TEK: variants seen among roughly 807,000 people sequenced by gnomAD.
TEK encodes the protein TEK receptor tyrosine kinase.
Under a neutral mutation model 131.8 loss-of-function variants are expected in TEK, and 43 were observed. The observed-to-expected ratio is 0.33, with a 90% CI of 0.26 to 0.42. The LOEUF (loss-of-function observed/expected upper bound fraction) is 0.42. Among genes scored for constraint, TEK ranks in the 10% least tolerant of loss-of-function variants. TEK has a pLI of 1.00. For synonymous variants in TEK, 580 were observed against 491.6 expected (o/e 1.18, Z -2.38); for missense variants, 1,162 against 1,384.4 (o/e 0.84, Z 2.55).
At chr9:27,199,646 T>G (rs985871640) in intron 12 of TEK, among the ~76,000 whole-genome samples, 1 of 152,264 alleles carries the variant, frequency 6.6e-6, no homozygotes, top group Non-Finnish European at 1.5e-5. Flanking sequence ...TTAATTGTCC[T>G]CTTTTTTGAT....
At chr9:27,137,115 A>C (rs1241524243) in intron 1 of TEK, among the ~76,000 whole-genome samples, 1 of 151,992 alleles carries the variant, frequency 6.6e-6, no homozygotes, top group Admixed American at 6.6e-5. Context: ...ACGGGGTTTC[A>C]CCATGTTCCC....
rs1156783354 is a variant in TEK, at chr9:27,192,640, AG to A, written c.1624+19del. 7.0e-7 allele frequency: 1 copy of A among 1,430,308 alleles called. No homozygotes were observed. Among genetic ancestry groups the A allele is most frequent in the African/African-American group, 1.5e-5 (1 of 65,856 alleles). 88.6% of individuals were successfully genotyped at this position (1,430,308 alleles called of 1,614,324 possible). A position where few individuals can be genotyped will look rare whatever the true frequency, so the allele number is the denominator to read the frequency against. ...CTTCTATCGGTCAGTGGAAGCCAAC[AG>A]GCATTTATTCATGAGCTGGGTGGGA... is the stretch of plus-strand genomic sequence containing the variant. On this transcript the variant is annotated intron_variant, in intron 11 of 22. Transcript: ENST00000380036.
chr9:27,159,917 G>A (rs1015182268), intron 2 of TEK, among the ~76,000 whole-genome samples: 6 of 151,186 alleles, frequency 4.0e-5, no homozygotes, highest in Admixed American at 6.6e-5. Context: ...TAAAATGAAG[G>A]AGTCTTTTCC....
Position 27,157,697 on chromosome 9 carries a change from A to T in TEK, c.53-134A>T, listed in dbSNP as rs1363090282. 35 of 1,064,692 alleles carry T rather than the reference A, an allele frequency of 3.3e-5. No individual in the cohort carries two copies. In the African/African-American group the frequency reaches 5.3e-4, roughly 16 times the overall value. The allele number at this position is 1,064,692 out of a possible 1,614,324, so 66.0% of individuals were successfully genotyped here. On this transcript the variant is annotated intron_variant, in intron 1 of 22. Transcript: ENST00000380036. ...TTTTGGATTTTGTCCAGTGGAAGAT[A>T]GGCACATGGTCAGAATAGCATTTTA... is the stretch of plus-strand genomic sequence containing the variant.
chr9:27,138,103 G>A (rs967357899), intron 1 of TEK, among the ~76,000 whole-genome samples: 3 of 152,212 alleles, frequency 2.0e-5, no homozygotes, highest in African/African-American at 7.2e-5. Context: ...CTGACCTCAG[G>A]AGTGAAGCCG....
intron 1 of TEK, among the ~76,000 whole-genome samples, chr9:27,135,481 CCTTTATCATCAT>C (rs1477064828): frequency 8.5e-5 from 13 of 152,090 alleles, no homozygotes; most frequent in African/African-American, 3.1e-4. Flanking sequence ...ATCATCATCA[CCTTTATCATCAT>C]GTCTTTGTAA....
intron 9 of TEK, among the ~76,000 whole-genome samples, chr9:27,187,277 C>A (rs1824633816): frequency 6.6e-6 from 1 of 152,156 alleles, no homozygotes; most frequent in Non-Finnish European, 1.5e-5. Flanking sequence ...TGTAAATAGC[C>A]ATTAGGGAAT....
chr9:27,144,476 C>T (rs1204821152), intron 1 of TEK, among the ~76,000 whole-genome samples: 4 of 152,162 alleles, frequency 2.6e-5, no homozygotes, highest in African/African-American at 7.2e-5. Context: ...TCTCTCTTAA[C>T]GAATGCGCAT....
At chr9:27,126,539 C>T (rs973791084) in intron 1 of TEK, among the ~76,000 whole-genome samples, 3 of 152,080 alleles carry the variant, frequency 2.0e-5, no homozygotes, top group African/African-American at 4.8e-5. Flanking sequence ...GACAAATTTA[C>T]ACATACAGAA....
intron 21 of TEK, among the ~76,000 whole-genome samples, chr9:27,221,331 G>T (rs1004394093): frequency 6.6e-6 from 1 of 152,296 alleles, no homozygotes; most frequent in East Asian, 1.9e-4. Context: ...GGTAAGGGTG[G>T]CTGTTGGTGT....
At chr9:27,208,063 G>A (rs1465651417) in intron 15 of TEK, among the ~76,000 whole-genome samples, 2 of 152,100 alleles carry the variant, frequency 1.3e-5, no homozygotes, top group African/African-American at 4.8e-5. Context: ...GTGCCCATGT[G>A]AAGAGGGAAA....
At chr9:27,146,111 C>G (rs959223966) in intron 1 of TEK, among the ~76,000 whole-genome samples, 6 of 152,110 alleles carry the variant, frequency 3.9e-5, no homozygotes, top group Non-Finnish European at 8.8e-5. Context: ...CTCATGCAAA[C>G]TTATAATACC....
At chr9:27,134,070 C>T (rs566171636) in intron 1 of TEK, among the ~76,000 whole-genome samples, 42 of 152,240 alleles carry the variant, frequency 2.8e-4, no homozygotes, top group African/African-American at 7.7e-4. Flanking sequence ...GATAATCATG[C>T]TCGTATGTAG....
intron 1 of TEK, among the ~76,000 whole-genome samples, chr9:27,110,917 A>AT (rs11353108): frequency 1.3e-5 from 2 of 150,570 alleles, no homozygotes; most frequent in African/African-American, 4.9e-5. Context: ...TCCATTTTTG[A>AT]TTTTTTTTTT....
At chr9:27,123,485 G>T (rs543807267) in intron 1 of TEK, among the ~76,000 whole-genome samples, 1 of 152,302 alleles carries the variant, frequency 6.6e-6, no homozygotes, top group South Asian at 2.1e-4. Flanking sequence ...ATGAGGGTAG[G>T]TATTTTCATG....
At chr9:27,220,869 C>T (rs1826038141) in intron 21 of TEK, among the ~76,000 whole-genome samples, 1 of 152,210 alleles carries the variant, frequency 6.6e-6, no homozygotes, top group African/African-American at 2.4e-5. Context: ...CGGCAGACAC[C>T]AAGCTAGCTG....
chr9:27,157,062 T>C (rs1823360374), intron 1 of TEK, among the ~76,000 whole-genome samples: 1 of 152,238 alleles, frequency 6.6e-6, no homozygotes, highest in Admixed American at 6.5e-5. Flanking sequence ...TTTAAAAGTG[T>C]ACTTCCTCAT....
chr9:27,196,153 G>A (rs1030251535), intron 11 of TEK, among the ~76,000 whole-genome samples: 15 of 152,184 alleles, frequency 9.9e-5, no homozygotes, highest in African/African-American at 3.6e-4. Flanking sequence ...CAAATCTACT[G>A]TTTTGATTTT....
intron 1 of TEK, among the ~76,000 whole-genome samples, chr9:27,153,246 A>G (rs2131109271): frequency 6.6e-6 from 1 of 152,252 alleles, no homozygotes; most frequent in Admixed American, 6.5e-5. Flanking sequence ...CAGGAGTTCA[A>G]GACCAGCCTG....
Sources: allele counts gnomAD v4.1 joint callset (sites outside exome capture counted in the v4.1 genomes callset), GRCh38; gene constraint gnomAD v4.1.1; transcripts MANE v1.5; gene names NCBI Gene and HGNC (gene_info 2026-07-23, HGNC 2026-07-21).